RANBP2: variants seen among roughly 807,000 people sequenced by gnomAD.
The protein encoded by RANBP2 is E3 SUMO-protein ligase RanBP2.
RANBP2 carries 57 observed loss-of-function variants against 303.6 expected under a neutral mutation model. The ratio of observed to expected loss-of-function variants is 0.19; its 90% CI spans 0.15 to 0.23. The LOEUF is 0.23. Ranked by LOEUF, RANBP2 falls within the 10% of genes least tolerant of loss-of-function variation. The probability of loss-of-function intolerance (pLI) is 1.00; values close to 1 mark genes in which losing one functional copy is unlikely to be tolerated. For synonymous variants in RANBP2, 1,167 were observed against 1,301.5 expected (o/e 0.90, Z 2.23); for missense variants, 3,138 against 3,780.8 (o/e 0.83, Z 4.46).
rs561645678 is a variant in RANBP2 at position 108,723,543 on chromosome 2, G to A, written c.72+3865G>A. 5.9e-5 allele frequency among the ~76,000 whole-genome samples: 9 copies of A among 152,184 alleles called. No homozygotes were observed. In the South Asian group the frequency reaches 1.0e-3, roughly 18 times the overall value. On this transcript the variant is annotated intron_variant, in intron 1 of 28. Transcript: ENST00000283195. ...GCCCGCCTCAGCCTCCCAAAGTGCC[G>A]GGGTTACAGGCGTGAGCCACCGCGC...
the RANBP2 span, among the ~76,000 whole-genome samples, chr2:109,224,175 C>T: frequency 6.6e-6 from 1 of 152,002 alleles, no homozygotes; most frequent in Non-Finnish European, 1.5e-5. Flanking sequence ...AGTGTGTGTG[C>T]ATGTGCAAAT....
chr2:109,427,335 C>T, the RANBP2 span, among the ~76,000 whole-genome samples: 4 of 152,140 alleles, frequency 2.6e-5, no homozygotes, highest in East Asian at 1.9e-4. Context: ...ATACTTAATA[C>T]GCTACTGTAT....
intron 18 of RANBP2, among the ~76,000 whole-genome samples, chr2:108,760,268 C>G (rs557767342): frequency 2.0e-5 from 3 of 152,320 alleles, no homozygotes; most frequent in Non-Finnish European, 2.9e-5. Context: ...CTAGTTCTTT[C>G]TCTATACATA....
At chr2:109,326,660 TGTTTAA>T in the RANBP2 span, among the ~76,000 whole-genome samples, 4 of 152,218 alleles carry the variant, frequency 2.6e-5, no homozygotes, top group African/African-American at 9.6e-5. Flanking sequence ...CTACAATGCC[TGTTTAA>T]GTTAACTTAT....
the RANBP2 span, among the ~76,000 whole-genome samples, chr2:109,054,312 C>T: frequency 6.6e-6 from 1 of 152,200 alleles, no homozygotes; most frequent in Non-Finnish European, 1.5e-5. Flanking sequence ...CTCCCCAGGG[C>T]ATCCTGGGCT....
chr2:109,707,876 C>T, the RANBP2 span, among the ~76,000 whole-genome samples: 2 of 152,220 alleles, frequency 1.3e-5, no homozygotes, highest in African/African-American at 2.4e-5. Context: ...TTGTTTGAAC[C>T]TCTCAGATAA....
chr2:109,155,046 T>C, the RANBP2 span, among the ~76,000 whole-genome samples: 3 of 152,288 alleles, frequency 2.0e-5, no homozygotes, highest in South Asian at 6.2e-4. Context: ...TGTGTTCTGG[T>C]GTGCTCATGG....
At chr2:109,744,509 A>G in the RANBP2 span, among the ~76,000 whole-genome samples, 2 of 93,074 alleles carry the variant, frequency 2.1e-5, no homozygotes, top group African/African-American at 5.8e-5. Flanking sequence ...GTAGTTTGCG[A>G]ATAGTTTCTC....
At chr2:108,980,373 A>T in the RANBP2 span, among the ~76,000 whole-genome samples, 3 of 151,968 alleles carry the variant, frequency 2.0e-5, no homozygotes. Context: ...AACTGCCACT[A>T]ATGCTCTGGT....
the RANBP2 span, among the ~76,000 whole-genome samples, chr2:109,420,473 T>C: frequency 9.9e-5 from 15 of 152,138 alleles, no homozygotes; most frequent in Non-Finnish European, 2.1e-4. Flanking sequence ...TGAGATGGAG[T>C]CTTGCTCTGT....
chr2:108,750,113 G>A (rs577958416), intron 9 of RANBP2, among the ~76,000 whole-genome samples: 1 of 152,362 alleles, frequency 6.6e-6, no homozygotes, highest in African/African-American at 2.4e-5. Flanking sequence ...ACTGCTGCAC[G>A]ACAGCCTGGG....
the RANBP2 span, among the ~76,000 whole-genome samples, chr2:109,437,903 G>A: frequency 2.0e-5 from 3 of 152,142 alleles, no homozygotes; most frequent in Non-Finnish European, 4.4e-5. Flanking sequence ...CTTCCACCAC[G>A]GTGGAGCCAG....
At chr2:109,242,195 C>G in the RANBP2 span, among the ~76,000 whole-genome samples, 4 of 152,080 alleles carry the variant, frequency 2.6e-5, no homozygotes, top group African/African-American at 9.7e-5. Flanking sequence ...TTAGGTGGCC[C>G]CTTTTCCTGC....
the RANBP2 span, among the ~76,000 whole-genome samples, chr2:109,527,317 G>A: frequency 2.4e-4 from 36 of 152,332 alleles, 1 homozygote; most frequent in East Asian, 6.8e-3. Context: ...TGCCTAGGAA[G>A]CTGACACAGG....
intron 18 of RANBP2, 77 bp from the exon 19 acceptor site, chr2:108,762,024 A>T: frequency 6.4e-7 from 1 of 1,569,450 alleles, no homozygotes; most frequent in Non-Finnish European, 8.6e-7. Flanking sequence ...CTTTGTATTT[A>T]TAGCTCTTGC....
At chr2:109,415,237 T>C in the RANBP2 span, among the ~76,000 whole-genome samples, 1 of 152,244 alleles carries the variant, frequency 6.6e-6, no homozygotes, top group Non-Finnish European at 1.5e-5. Flanking sequence ...TCTGAGTGAT[T>C]GTAAGCCCCT....
At chr2:108,942,247 G>A in the RANBP2 span, among the ~76,000 whole-genome samples, 1 of 152,380 alleles carries the variant, frequency 6.6e-6, no homozygotes, top group Non-Finnish European at 1.5e-5. Flanking sequence ...GGCTCAGAGA[G>A]GGTGAGCGAC....
the RANBP2 span, among the ~76,000 whole-genome samples, chr2:109,464,534 A>G: frequency 6.6e-6 from 1 of 152,226 alleles, no homozygotes; most frequent in Admixed American, 6.5e-5. Flanking sequence ...CCTTGCATAC[A>G]TACACATCCT....
At chr2:108,880,408 C>CA in the RANBP2 span, among the ~76,000 whole-genome samples, 1 of 152,034 alleles carries the variant, frequency 6.6e-6, no homozygotes, top group South Asian at 2.1e-4. Flanking sequence ...TTGTGAGTAC[C>CA]AACTAACTTT....
Sources: allele counts gnomAD v4.1 joint callset (sites outside exome capture counted in the v4.1 genomes callset), GRCh38; gene constraint gnomAD v4.1.1; transcripts MANE v1.5; gene names NCBI Gene and HGNC (gene_info 2026-07-23, HGNC 2026-07-21).